ARL4A: variants seen among roughly 807,000 people sequenced by gnomAD.
ARL4A encodes ADP-ribosylation factor-like protein 4A.
Under a neutral mutation model 13.9 loss-of-function variants are expected in ARL4A, and 5 were observed. That is an observed-to-expected ratio of 0.36 (90% CI 0.19 to 0.75). The LOEUF is 0.75. ARL4A is among the 30% of genes least tolerant of loss of function. The probability of loss-of-function intolerance (pLI) is 0.53; values close to 1 mark genes in which losing one functional copy is unlikely to be tolerated. For missense variants in ARL4A, 147 were observed against 225.8 expected, an observed-to-expected ratio of 0.65 and a Z score of 2.24; for synonymous variants, 77 against 84.4, an observed-to-expected ratio of 0.91 and a Z score of 0.48.
upstream of ARL4A, chr7:12,687,598 A>C (rs1784545535): frequency 6.5e-6 from 1 of 152,844 alleles, no homozygotes; most frequent in African/African-American, 2.4e-5. This position sits in a 1 kb window ranked among gnomAD's most constrained non-coding sequence, Gnocchi z 5.6. Flanking sequence ...GCGTGGTCGG[A>C]GTCTGAGTCC....
Position 12,688,201 on chromosome 7 carries a change from G to T in ARL4A, c.-54G>T, listed in dbSNP as rs2280633. 6.6e-7 allele frequency: 1 copy of T among 1,519,900 alleles called. No individual in the cohort carries two copies. Among genetic ancestry groups the T allele is most frequent in the East Asian group, 2.3e-5 (1 of 44,040 alleles). The allele number at this position is 1,519,900 out of a possible 1,614,324, so 94.2% of individuals were successfully genotyped here. Reference sequence around the variant, plus strand: ...GCTGGATCAGCTACCAAGAGAAGTTGTAAACCAAGAAGAGAAAAGCATTTC... The same window carrying T: ...GCTGGATCAGCTACCAAGAGAAGTTTTAAACCAAGAAGAGAAAAGCATTTC... On this transcript the variant is annotated 5_prime_UTR_variant, in exon 2 of 2. Transcript: ENST00000651779. This position sits in a 1 kb window ranked among gnomAD's most constrained non-coding sequence, Gnocchi z 5.2.
At chr7:12,687,322 G>C (rs537562893), upstream of ARL4A, 300 of 152,306 alleles carry the variant, frequency 2.0e-3, no homozygotes, top group Non-Finnish European at 2.9e-3. The surrounding 1 kb of genome is among the most constrained non-coding windows in gnomAD (Gnocchi z 5.6). Context: ...GGTGCGCCGG[G>C]CCGAACGGAG....
chr7:12,688,134 G>T lies in ARL4A; in HGVS notation c.-89-32G>T. 7.2e-7 allele frequency: 1 copy of T among 1,390,422 alleles called. No individual in the cohort carries two copies. The highest frequency in any genetic ancestry group is 9.7e-7 in the Non-Finnish European group (1 of 1,028,062). 86.1% of individuals were successfully genotyped at this position (1,390,422 alleles called of 1,614,324 possible). ...AACCTGTTTTAATGTATTATTTCGG[G>T]AGAATAACTTATTCCTTCTTCCGTC... On this transcript the variant is annotated intron_variant, in intron 1 of 1. Coordinates refer to ENST00000651779, the MANE Select transcript of ARL4A (RefSeq NM_005738.5). This position sits in a 1 kb window ranked among gnomAD's most constrained non-coding sequence, Gnocchi z 5.2.
At chr7:12,686,936 C>T (rs530344018), upstream of ARL4A, 1 of 152,198 alleles carries the variant, frequency 6.6e-6, no homozygotes, top group Non-Finnish European at 1.5e-5. Flanking sequence ...GGCGCCCAGT[C>T]CTCTGCCATC....
At position 12,690,569 on chromosome 7, in the gene ARL4A, G is replaced by T. The variant is rs573044125; in HGVS notation, c.*1712G>T. 6.0e-6 allele frequency: 1 copy of T among 165,300 alleles called. No homozygotes were observed. 10.2% of individuals were successfully genotyped at this position (165,300 alleles called of 1,614,324 possible). A position where few individuals can be genotyped will look rare whatever the true frequency, so the allele number is the denominator to read the frequency against. On this transcript the variant is annotated 3_prime_UTR_variant, in exon 2 of 2. Coordinates refer to ENST00000651779, the MANE Select transcript of ARL4A (RefSeq NM_005738.5). Reference sequence around the variant, plus strand: ...TGTGTAAAAACAATTGACCAGCTAGGCTATTTAGTCCCATAGTAGTTCAGA... The same window carrying T: ...TGTGTAAAAACAATTGACCAGCTAGTCTATTTAGTCCCATAGTAGTTCAGA...
In ARL4A at chr7:12,688,645, A is replaced by G. The variant is rs1346620423; in HGVS notation, c.391A>G (p.Ile131Val). 5 of 1,613,938 alleles carry G rather than the reference A, an allele frequency of 3.1e-6. No individual in the cohort carries two copies. The East Asian group carries it at 6.7e-5, about 22-fold the overall frequency. Residue 131 changes from isoleucine (I) to valine (V), a missense_variant, in exon 2 of 2, where the codon ATA (isoleucine) becomes GTA (valine). Physicochemically the swap from Ile to Val is conservative, Grantham distance 29 (BLOSUM62 3). Coordinates refer to ENST00000651779, the MANE Select transcript of ARL4A (RefSeq NM_005738.5). The surrounding 1 kb of genome is among the most constrained non-coding windows in gnomAD (Gnocchi z 5.2). The part of the protein sequence containing the change: ...ISENQGVPVL[I>V]VANKQDLRNS... Reference sequence around the variant, plus strand: ...AGAAAATCAGGGAGTCCCTGTACTTATAGTTGCTAACAAACAAGATTTGAG... The same window carrying G: ...AGAAAATCAGGGAGTCCCTGTACTTGTAGTTGCTAACAAACAAGATTTGAG...
upstream of ARL4A, chr7:12,686,980 C>T (rs1229328236): frequency 6.6e-6 from 1 of 152,172 alleles, no homozygotes; most frequent in African/African-American, 2.4e-5. Context: ...GAACAGGTAT[C>T]AGCGCGCCTC....
Position 12,689,136 on chromosome 7 carries a change from G to T in ARL4A, c.*279G>T. 1 of 308,208 alleles carries T rather than the reference G, an allele frequency of 3.2e-6. No homozygotes were observed. Among genetic ancestry groups the T allele is most frequent in the Non-Finnish European group, 6.4e-6 (1 of 156,752 alleles). The allele number at this position is 308,208 out of a possible 1,614,324, so 19.1% of individuals were successfully genotyped here. On this transcript the variant is annotated 3_prime_UTR_variant, in exon 2 of 2. Transcript: ENST00000651779. Reference sequence around the variant, plus strand: ...TAAATTGACCAGAACACAGTTGTGGGAATTTGGTCTGAAGTTAGTGAAATA... The same window carrying T: ...TAAATTGACCAGAACACAGTTGTGGTAATTTGGTCTGAAGTTAGTGAAATA...
rs1199325064 is a variant in ARL4A, at chr7:12,690,565, C to G, written c.*1708C>G. ...CAGATGTGTAAAAACAATTGACCAG[C>G]TAGGCTATTTAGTCCCATAGTAGTT... On this transcript the variant is annotated 3_prime_UTR_variant, in exon 2 of 2. Transcript: ENST00000651779. 1 of 165,376 alleles carries G rather than the reference C, an allele frequency of 6.0e-6. No individual in the cohort carries two copies. Among genetic ancestry groups the G allele is most frequent in the Non-Finnish European group, 1.5e-5 (1 of 67,978 alleles). The allele number at this position is 165,376 out of a possible 1,614,324, so 10.2% of individuals were successfully genotyped here.
In ARL4A at chr7:12,690,773, C is replaced by A. The variant is rs1784609620; in HGVS notation, c.*1916C>A. 1 of 166,600 alleles carries A rather than the reference C, an allele frequency of 6.0e-6. No homozygotes were observed. Among genetic ancestry groups the A allele is most frequent in the Non-Finnish European group, 1.5e-5 (1 of 68,072 alleles). The allele number at this position is 166,600 out of a possible 1,614,324, so 10.3% of individuals were successfully genotyped here. Reference sequence around the variant, plus strand: ...CAGTTTGCCTGTACTTTCTGTCTACCTACTATGTAAAATAGTGCTGTTTTT... The same window carrying A: ...CAGTTTGCCTGTACTTTCTGTCTACATACTATGTAAAATAGTGCTGTTTTT... On this transcript the variant is annotated 3_prime_UTR_variant, in exon 2 of 2. Coordinates refer to ENST00000651779, the MANE Select transcript of ARL4A (RefSeq NM_005738.5).
rs1267630345 is a variant in ARL4A at position 12,689,208 on chromosome 7, G to A, written c.*351G>A. The A allele has an allele frequency of 9.4e-6, 2 of 212,260 alleles. No individual in the cohort carries two copies. Among genetic ancestry groups the A allele is most frequent in the Non-Finnish European group, 2.1e-5 (2 of 96,242 alleles). 13.1% of individuals were successfully genotyped at this position (212,260 alleles called of 1,614,324 possible). Reference sequence around the variant, plus strand: ...TAGTGTTTTGTGCTTACATCTTTCGGGGGGAAGCCTTTGCAAGAAAATTGC... The same window carrying A: ...TAGTGTTTTGTGCTTACATCTTTCGAGGGGAAGCCTTTGCAAGAAAATTGC... On this transcript the variant is annotated 3_prime_UTR_variant, in exon 2 of 2. Coordinates refer to ENST00000651779, the MANE Select transcript of ARL4A (RefSeq NM_005738.5).
Position 12,688,647 on chromosome 7 carries a change from A to C in ARL4A, c.393A>C (p.Ile131=), listed in dbSNP as rs1444555721. The C allele has an allele frequency of 6.2e-7, 1 of 1,613,826 alleles. No individual in the cohort carries two copies. The highest frequency in any genetic ancestry group is 1.3e-5 in the African/African-American group (1 of 74,932). ...AAAATCAGGGAGTCCCTGTACTTAT[A>C]GTTGCTAACAAACAAGATTTGAGGA... ...ISENQGVPVL[I]VANKQDLRNS... Residue 131 remains isoleucine, a synonymous_variant, in exon 2 of 2, where the codon ATA becomes ATC. Transcript: ENST00000651779. The surrounding 1 kb of genome is among the most constrained non-coding windows in gnomAD (Gnocchi z 5.2).
rs902074099 is a variant in ARL4A, at chr7:12,690,816, G to A, written c.*1959G>A. 6.0e-6 allele frequency: 1 copy of A among 167,034 alleles called. No homozygotes were observed. The highest frequency in any genetic ancestry group is 2.4e-5 in the African/African-American group (1 of 41,564). 10.3% of individuals were successfully genotyped at this position (167,034 alleles called of 1,614,324 possible). On this transcript the variant is annotated 3_prime_UTR_variant, in exon 2 of 2. Transcript: ENST00000651779. ...CTGTTTTTAAGTATTTCAAAAGCTT[G>A]TGTGTTGACCCTTTGTAGCCTAAGT...
In ARL4A at chr7:12,690,413, A is replaced by G. The variant is rs894927925; in HGVS notation, c.*1556A>G. Reference sequence around the variant, plus strand: ...TTCATATGTTAAATATTCCTGCACTAGTGATGGTCACTTAGAATGTTTATA... The same window carrying G: ...TTCATATGTTAAATATTCCTGCACTGGTGATGGTCACTTAGAATGTTTATA... On this transcript the variant is annotated 3_prime_UTR_variant, in exon 2 of 2. Transcript: ENST00000651779. 1.2e-5 allele frequency: 2 copies of G among 166,498 alleles called. No homozygotes were observed. Among genetic ancestry groups the G allele is most frequent in the South Asian group, 2.1e-4 (1 of 4,832 alleles). 10.3% of individuals were successfully genotyped at this position (166,498 alleles called of 1,614,324 possible). A position where few individuals can be genotyped will look rare whatever the true frequency, so the allele number is the denominator to read the frequency against.
In ARL4A at chr7:12,690,877, T is replaced by A. The variant is rs1339600485; in HGVS notation, c.*2020T>A. ...ATTAATGTTATCTAAGTTTTTCATA[T>A]TTCATGGACAACAAAAGAGAAAATG... On this transcript the variant is annotated 3_prime_UTR_variant, in exon 2 of 2. Coordinates refer to ENST00000651779, the MANE Select transcript of ARL4A (RefSeq NM_005738.5). The A allele has an allele frequency of 1.8e-5, 3 of 166,848 alleles. No individual in the cohort carries two copies. In the East Asian group the frequency reaches 5.8e-4, roughly 32 times the overall value. 10.3% of individuals were successfully genotyped at this position (166,848 alleles called of 1,614,324 possible).
Position 12,688,422 on chromosome 7 carries a change from T to A in ARL4A, c.168T>A (p.Thr56=), listed in dbSNP as rs574805212. ...CCGTACCTACCAAAGGATTTAACAC[T>A]GAGAAAATTAAGGTAACCTTGGGAA... is the stretch of plus-strand genomic sequence containing the variant. ...VNTVPTKGFN[T]EKIKVTLGNS... Residue 56 remains threonine, a synonymous_variant, in exon 2 of 2, where the codon ACT becomes ACA. Transcript: ENST00000651779. The surrounding 1 kb of genome is among the most constrained non-coding windows in gnomAD (Gnocchi z 5.2). The A allele has an allele frequency of 1.4e-5, 22 of 1,613,810 alleles. No individual in the cohort carries two copies. In the African/African-American group the frequency reaches 2.4e-4, roughly 18 times the overall value.
chr7:12,686,937 C>T (rs1414469361), upstream of ARL4A: 1 of 151,940 alleles, frequency 6.6e-6, no homozygotes, highest in Non-Finnish European at 1.5e-5. Context: ...GCGCCCAGTC[C>T]TCTGCCATCG....
chr7:12,687,266 G>A (rs769352637), upstream of ARL4A: 1 of 152,196 alleles, frequency 6.6e-6, no homozygotes, highest in Admixed American at 6.5e-5. This position sits in a 1 kb window ranked among gnomAD's most constrained non-coding sequence, Gnocchi z 5.6. Flanking sequence ...AGTGACTGCG[G>A]GCCCCGGATG....
chr7:12,689,899 A>G lies in ARL4A; in HGVS notation c.*1042A>G. 6.0e-6 allele frequency: 1 copy of G among 167,086 alleles called. No individual in the cohort carries two copies. 10.4% of individuals were successfully genotyped at this position (167,086 alleles called of 1,614,324 possible). On this transcript the variant is annotated 3_prime_UTR_variant, in exon 2 of 2. Transcript: ENST00000651779. Reference sequence around the variant, plus strand: ...AGCAAAAGCTTTATAAATATACCTGATGCGCTGTAGAATGAAAATGTAAAA... The same window carrying G: ...AGCAAAAGCTTTATAAATATACCTGGTGCGCTGTAGAATGAAAATGTAAAA...
Sources: gnomAD v4.1 joint callset for allele counts on GRCh38, gnomAD v4.1.1 for gene constraint, Gnocchi (gnomAD v3.1) non-coding constraint, MANE v1.5 for transcripts, NCBI Gene and HGNC (gene_info 2026-07-23, HGNC 2026-07-21) for gene names.